BLTP3B: variants seen among roughly 807,000 people sequenced by gnomAD.
The protein encoded by BLTP3B is bridge-like lipid transfer protein family member 3B, also known as UHRF1 (ICBP90) binding protein 1-like.
chr12:100,123,446 G>A, the BLTP3B span, among the ~76,000 whole-genome samples: 7 of 152,108 alleles, frequency 4.6e-5, no homozygotes, highest in South Asian at 2.1e-4. Flanking sequence ...GACCGTGTGC[G>A]TGGAGTTTTC....
the BLTP3B span, chr12:100,098,429 G>A: frequency 1.1e-5 from 18 of 1,613,848 alleles, no homozygotes; most frequent in South Asian, 5.5e-5. Context: ...CTATAGATCC[G>A]AAGCTGAGAA....
chr12:100,138,657 G>A, the BLTP3B span, among the ~76,000 whole-genome samples: 1 of 152,220 alleles, frequency 6.6e-6, no homozygotes, highest in African/African-American at 2.4e-5. Flanking sequence ...ACCGAGGTGA[G>A]GTGAATGTCT....
At chr12:100,070,280 T>A in the BLTP3B span, 3 of 1,282,560 alleles carry the variant, frequency 2.3e-6, no homozygotes, top group Non-Finnish European at 3.0e-6. Flanking sequence ...TTTTTATTTT[T>A]AATTAATTAA....
the BLTP3B span, chr12:100,108,529 G>C: frequency 5.6e-6 from 9 of 1,606,684 alleles, no homozygotes; most frequent in African/African-American, 8.0e-5. Context: ...ATCTTGTCAG[G>C]AGATAAATTT....
the BLTP3B span, among the ~76,000 whole-genome samples, chr12:100,064,957 G>A: frequency 9.3e-5 from 14 of 150,324 alleles, no homozygotes; most frequent in African/African-American, 2.7e-4. Flanking sequence ...GGTACCTCAC[G>A]TCTCAATACT....
the BLTP3B span, among the ~76,000 whole-genome samples, chr12:100,120,901 T>A: frequency 6.6e-6 from 1 of 152,180 alleles, no homozygotes; most frequent in East Asian, 1.9e-4. Flanking sequence ...AACCCAAATA[T>A]CTATCAAAAG....
the BLTP3B span, chr12:100,048,017 A>C: frequency 1.2e-6 from 2 of 1,606,222 alleles, no homozygotes; most frequent in Non-Finnish European, 1.7e-6. Context: ...TCTTCCAAAA[A>C]ATGTTGAATA....
chr12:100,101,984 G>C, the BLTP3B span, among the ~76,000 whole-genome samples: 1 of 151,530 alleles, frequency 6.6e-6, no homozygotes, highest in Non-Finnish European at 1.5e-5. Flanking sequence ...ATTTTTGGTA[G>C]AGACGGGGTT....
chr12:100,054,950 G>T, the BLTP3B span, among the ~76,000 whole-genome samples: 3 of 152,082 alleles, frequency 2.0e-5, no homozygotes, highest in East Asian at 5.8e-4. Context: ...ATGGTCTTAA[G>T]GATTAGATAA....
chr12:100,060,101 G>T, the BLTP3B span: 1 of 1,314,088 alleles, frequency 7.6e-7, no homozygotes, highest in Non-Finnish European at 1.0e-6. Context: ...AATCTTCCCT[G>T]AGAACAAAAA....
the BLTP3B span, among the ~76,000 whole-genome samples, chr12:100,080,780 T>A: frequency 6.6e-6 from 1 of 152,126 alleles, no homozygotes. Flanking sequence ...TAGGAATGCA[T>A]GATTGGTTTA....
chr12:100,092,529 A>T, the BLTP3B span, among the ~76,000 whole-genome samples: 4 of 152,196 alleles, frequency 2.6e-5, no homozygotes, highest in Non-Finnish European at 5.9e-5. Flanking sequence ...ACTAAGAAAA[A>T]GTACATAGGC....
At chr12:100,071,421 C>T in the BLTP3B span, among the ~76,000 whole-genome samples, 10 of 147,496 alleles carry the variant, frequency 6.8e-5, no homozygotes, top group African/African-American at 1.0e-4. Context: ...TGTTTGGGCC[C>T]GGGAGGCAGA....
chr12:100,089,916 G>A, the BLTP3B span, among the ~76,000 whole-genome samples: 1 of 152,120 alleles, frequency 6.6e-6, no homozygotes, highest in Non-Finnish European at 1.5e-5. Flanking sequence ...TGTTCTGGTG[G>A]TAGTAAATAA....
chr12:100,057,641 A>G, the BLTP3B span: 1 of 1,612,836 alleles, frequency 6.2e-7, no homozygotes, highest in Admixed American at 1.7e-5. Context: ...TCATGCTGTC[A>G]AGTGAAATGG....
At chr12:100,071,929 G>C in the BLTP3B span, among the ~76,000 whole-genome samples, 1 of 152,186 alleles carries the variant, frequency 6.6e-6, no homozygotes, top group Non-Finnish European at 1.5e-5. Context: ...CAGCTATTAA[G>C]CACAAAGTAA....
At chr12:100,120,845 C>T in the BLTP3B span, among the ~76,000 whole-genome samples, 3 of 152,006 alleles carry the variant, frequency 2.0e-5, no homozygotes, top group African/African-American at 2.4e-5. Context: ...GATTTATACA[C>T]GAATGTTCAT....
the BLTP3B span, among the ~76,000 whole-genome samples, chr12:100,073,396 C>T: frequency 8.2e-4 from 117 of 142,502 alleles, 2 homozygotes; most frequent in Middle Eastern, 3.7e-3. Flanking sequence ...GACGGGGTTT[C>T]GCCATGTTGG....
At chr12:100,102,972 A>G in the BLTP3B span, 4 of 678,748 alleles carry the variant, frequency 5.9e-6, no homozygotes, top group East Asian at 3.3e-5. Context: ...GTAAAAAGTG[A>G]GCAGAGTCAT....
Sources: allele counts gnomAD v4.1 joint callset (sites outside exome capture counted in the v4.1 genomes callset), GRCh38; gene constraint gnomAD v4.1.1; transcripts MANE v1.5; gene names NCBI Gene and HGNC (gene_info 2026-07-23, HGNC 2026-07-21).